LIPA: variants seen among roughly 807,000 people sequenced by gnomAD.
LIPA encodes the protein lysosomal acid lipase/cholesteryl ester hydrolase.
In LIPA, 26 loss-of-function variants were observed where a neutral mutation model predicts 40.6. The observed-to-expected ratio is 0.64, with a 90% CI of 0.47 to 0.89. The LOEUF is 0.89. LIPA is among the 40% of genes least tolerant of loss of function. The pLI is 0.00. For missense variants in LIPA, 455 were observed against 479.6 expected (o/e 0.95, Z 0.48); for synonymous variants, 188 against 168.4 (o/e 1.12, Z -0.90).
At chr10:89,389,329 T>C (rs1006013068) in intron 2 of LIPA, among the ~76,000 whole-genome samples, 1 of 152,220 alleles carries the variant, frequency 6.6e-6, no homozygotes, top group Non-Finnish European at 1.5e-5. Flanking sequence ...ATCTTGTGTG[T>C]CTTTCATGTC....
intron 1 of LIPA, among the ~76,000 whole-genome samples, chr10:89,286,334 C>A (rs1843340839): frequency 6.6e-6 from 1 of 152,040 alleles, no homozygotes; most frequent in Non-Finnish European, 1.5e-5. Context: ...CCCTCCTCCC[C>A]AGGCTGCTCC....
intron 2 of LIPA, chr10:89,393,387 G>T: frequency 1.0e-6 from 1 of 986,964 alleles, no homozygotes; most frequent in South Asian, 1.6e-5. Context: ...GGGAAGATCC[G>T]TATCTTCCTT....
intron 1 of LIPA, among the ~76,000 whole-genome samples, chr10:89,341,352 C>G (rs1289936073): frequency 6.6e-6 from 1 of 152,184 alleles, no homozygotes; most frequent in Non-Finnish European, 1.5e-5. Flanking sequence ...TTCAAACTGC[C>G]AGCATCTGAC....
intron 2 of LIPA, among the ~76,000 whole-genome samples, chr10:89,395,828 A>G (rs1026331174): frequency 9.2e-5 from 14 of 152,352 alleles, no homozygotes; most frequent in Non-Finnish European, 1.9e-4. Flanking sequence ...AGGAAAAAAA[A>G]AAATACAACA....
chr10:89,224,070 A>G (rs764309032), intron 6 of LIPA, among the ~76,000 whole-genome samples: 1 of 152,236 alleles, frequency 6.6e-6, no homozygotes, highest in South Asian at 2.1e-4. Context: ...AGAAAATCAA[A>G]TAAGTTTTCA....
chr10:89,267,277 G>A (rs1843241150), intron 1 of LIPA, among the ~76,000 whole-genome samples: 1 of 152,116 alleles, frequency 6.6e-6, no homozygotes, highest in Admixed American at 6.5e-5. Flanking sequence ...GTAGCCCCAG[G>A]TAGTAGCAGT....
rs148122020 is a variant in LIPA, at chr10:89,217,181, A to T, written c.895-1172T>A. Among the ~76,000 whole-genome samples the T allele has an allele frequency of 3.3e-5, 5 of 152,356 alleles. No individual in the cohort carries two copies. The East Asian group carries it at 9.6e-4, about 29-fold the overall frequency. On this transcript the variant is annotated intron_variant, in intron 8 of 9. Coordinates refer to ENST00000336233, the MANE Select transcript of LIPA (RefSeq NM_000235.4). ...GGCCACAAGGTGGCGCCTGGTAAAAAGAAATGCTCAGACATTCTTTGTCAA... is the reference window on the plus strand; with the variant it reads ...GGCCACAAGGTGGCGCCTGGTAAAATGAAATGCTCAGACATTCTTTGTCAA...
chr10:89,271,796 T>G (rs796208684), intron 1 of LIPA, among the ~76,000 whole-genome samples: 2 of 152,176 alleles, frequency 1.3e-5, no homozygotes, highest in South Asian at 4.1e-4. Flanking sequence ...GCTCAGTGGC[T>G]TACGCTTGTA....
At chr10:89,358,178 C>T (rs1843999827) in intron 2 of LIPA, among the ~76,000 whole-genome samples, 1 of 152,150 alleles carries the variant, frequency 6.6e-6, no homozygotes, top group Admixed American at 6.6e-5. Flanking sequence ...ATCTGGCCGC[C>T]TGAGCCACAG....
intron 1 of LIPA, among the ~76,000 whole-genome samples, chr10:89,262,299 C>T (rs1843214913): frequency 6.6e-6 from 1 of 152,120 alleles, no homozygotes; most frequent in Non-Finnish European, 1.5e-5. Flanking sequence ...ATGAATTAAA[C>T]AGCATTGAGT....
chr10:89,382,754 C>G (rs1270321883), intron 2 of LIPA, among the ~76,000 whole-genome samples: 1 of 152,254 alleles, frequency 6.6e-6, no homozygotes, highest in Admixed American at 6.5e-5. Context: ...TAAGTGCACA[C>G]AGGCAAAGGA....
intron 2 of LIPA, chr10:89,403,697 G>A (rs1372985174): frequency 1.3e-6 from 2 of 1,587,838 alleles, no homozygotes; most frequent in Non-Finnish European, 8.6e-7. Context: ...AGAACTCTGT[G>A]AGACAAGGTC....
At chr10:89,337,113 G>A (rs891716980) in intron 1 of LIPA, among the ~76,000 whole-genome samples, 1 of 152,212 alleles carries the variant, frequency 6.6e-6, no homozygotes, top group African/African-American at 2.4e-5. Context: ...CTGAGCCTCC[G>A]TGGGTCTGTT....
intron 1 of LIPA, among the ~76,000 whole-genome samples, chr10:89,277,513 G>C (rs1843294854): frequency 6.6e-6 from 1 of 152,148 alleles, no homozygotes; most frequent in South Asian, 2.1e-4. Context: ...CTGACACATG[G>C]TTGAAATTCA....
intron 3 of LIPA, among the ~76,000 whole-genome samples, chr10:89,230,256 A>T (rs1294976989): frequency 6.6e-6 from 1 of 152,206 alleles, no homozygotes; most frequent in African/African-American, 2.4e-5. Context: ...GAGGAAAAAA[A>T]GTACCTCCAT....
chr10:89,385,808 A>G (rs1234505737), intron 2 of LIPA, among the ~76,000 whole-genome samples: 4 of 152,218 alleles, frequency 2.6e-5, no homozygotes, highest in African/African-American at 4.8e-5. Flanking sequence ...CTGGACATTT[A>G]TTCACACCTG....
At chr10:89,282,459 G>A (rs916635737) in intron 1 of LIPA, among the ~76,000 whole-genome samples, 18 of 151,858 alleles carry the variant, frequency 1.2e-4, no homozygotes, top group African/African-American at 4.4e-4. Flanking sequence ...CCAACATGGA[G>A]AAACCCCGTC....
At chr10:89,233,793 G>C (rs1842871574) in intron 3 of LIPA, among the ~76,000 whole-genome samples, 1 of 152,184 alleles carries the variant, frequency 6.6e-6, no homozygotes, top group Non-Finnish European at 1.5e-5. Flanking sequence ...TTGAACCCAA[G>C]AGGTAGAAGT....
At chr10:89,303,558 C>A (rs1843459316) in intron 1 of LIPA, among the ~76,000 whole-genome samples, 1 of 152,152 alleles carries the variant, frequency 6.6e-6, no homozygotes, top group Non-Finnish European at 1.5e-5. Context: ...CTCTAACTTA[C>A]CAGTGGAAAT....
Sources: gnomAD v4.1 joint callset for allele counts (sites outside exome capture counted in the v4.1 genomes callset) on GRCh38, gnomAD v4.1.1 for gene constraint, MANE v1.5 for transcripts, NCBI Gene and HGNC (gene_info 2026-07-23, HGNC 2026-07-21) for gene names.